The following MGLL variants were observed in gnomAD, a reference collection of about 807,000 sequenced individuals.
MGLL encodes the protein monoglyceride lipase.
A neutral mutation model predicts 29.1 loss-of-function variants in MGLL; 7 were observed. The observed-to-expected ratio is 0.24, with a 90% CI of 0.14 to 0.45. The LOEUF (loss-of-function observed/expected upper bound fraction) is 0.45, where lower values mean the gene tolerates loss of function less well. Among genes scored for constraint, MGLL ranks in the 20% least tolerant of loss-of-function variants. The probability of loss-of-function intolerance (pLI) is 0.99; values close to 1 mark genes in which losing one functional copy is unlikely to be tolerated. For synonymous variants in MGLL, 148 were observed against 168.3 expected, an observed-to-expected ratio of 0.88 and a Z score of 0.93; for missense variants, 356 against 413.6, an observed-to-expected ratio of 0.86 and a Z score of 1.21.
rs75852701 is a variant in MGLL, at chr3:127,781,680, G to A, written c.262+109C>T. On this transcript the variant is annotated intron_variant, in intron 3 of 7. Transcript: ENST00000265052. ...TACATTTTTTTACTTTGAAACATCCGTGGGGAATAGAAGAATTGAGAAGGA... is the reference window on the plus strand; with the variant it reads ...TACATTTTTTTACTTTGAAACATCCATGGGGAATAGAAGAATTGAGAAGGA... The A allele has an allele frequency of 1.7e-3, 1,708 of 1,025,900 alleles. 11 individuals are homozygous for A. The highest frequency in any genetic ancestry group is 4.8e-3 in the African/African-American group (308 of 63,584). The allele number at this position is 1,025,900 out of a possible 1,614,324, so 63.5% of individuals were successfully genotyped here.
At chr3:127,787,899 T>C (rs994626576) in intron 2 of MGLL, among the ~76,000 whole-genome samples, 1 of 152,210 alleles carries the variant, frequency 6.6e-6, no homozygotes, top group Non-Finnish European at 1.5e-5. Flanking sequence ...CCCTTTCCAG[T>C]AACTAAGGCA....
At chr3:127,784,552 G>A (rs1243512872) in intron 2 of MGLL, among the ~76,000 whole-genome samples, 10 of 152,096 alleles carry the variant, frequency 6.6e-5, no homozygotes, top group Admixed American at 5.2e-4. Context: ...CACTGCAGGC[G>A]GTGGGGGTCA....
chr3:127,754,758 G>T (rs902675386), intron 3 of MGLL, among the ~76,000 whole-genome samples: 3 of 152,210 alleles, frequency 2.0e-5, no homozygotes, highest in African/African-American at 7.2e-5. Flanking sequence ...AGGCCTCAGT[G>T]GCCTTCCCGT....
At chr3:127,769,425 G>A (rs910192842) in intron 3 of MGLL, among the ~76,000 whole-genome samples, 1 of 152,132 alleles carries the variant, frequency 6.6e-6, no homozygotes, top group Non-Finnish European at 1.5e-5. Context: ...TAAACAACTG[G>A]CATTTCAAAA....
intron 3 of MGLL, among the ~76,000 whole-genome samples, chr3:127,775,824 G>A (rs980575638): frequency 2.0e-5 from 3 of 152,202 alleles, no homozygotes; most frequent in African/African-American, 7.2e-5. Context: ...GCGGGCAAAT[G>A]GGCCTCAGAT....
At chr3:127,754,274 G>A (rs1282083324) in intron 3 of MGLL, among the ~76,000 whole-genome samples, 1 of 152,180 alleles carries the variant, frequency 6.6e-6, no homozygotes, top group African/African-American at 2.4e-5. Flanking sequence ...AGAAGGAGGT[G>A]CTTAGACTAA....
intron 3 of MGLL, among the ~76,000 whole-genome samples, chr3:127,747,718 A>G (rs1398289681): frequency 6.6e-6 from 1 of 152,176 alleles, no homozygotes; most frequent in Non-Finnish European, 1.5e-5. Context: ...AGAAAACCTC[A>G]GGCTCCCTTG....
intron 2 of MGLL, among the ~76,000 whole-genome samples, chr3:127,816,497 G>A (rs775248172): frequency 1.3e-5 from 2 of 152,194 alleles, no homozygotes; most frequent in African/African-American, 2.4e-5. Flanking sequence ...CAGATGGCTG[G>A]GAGGGGCCCT....
At chr3:127,738,857 A>G (rs2076288883) in intron 3 of MGLL, among the ~76,000 whole-genome samples, 1 of 152,210 alleles carries the variant, frequency 6.6e-6, no homozygotes, top group African/African-American at 2.4e-5. Flanking sequence ...TTACATTTAC[A>G]TCAGTTAAAA....
rs1277490396 is a variant in MGLL at position 127,761,311 on chromosome 3, CCCTGCTGCTGTGTCTTGTTAGAGCCA to C, written c.262+20452_262+20477del. Reference sequence around the variant, plus strand: ...GGCCCACTGGGCAAACTGGCTTCTCCCCTGCTGCTGTGTCTTGTTAGAGCCACCGTGTTGTGTTGGGGGTGCTGGCT... The same window carrying C: ...GGCCCACTGGGCAAACTGGCTTCTCCCCGTGTTGTGTTGGGGGTGCTGGCT... On this transcript the variant is annotated intron_variant, in intron 3 of 7. Transcript: ENST00000265052. The surrounding 1 kb of genome is among the most constrained non-coding windows in gnomAD (Gnocchi z 4.6). Among the ~76,000 whole-genome samples, 45 of 152,232 alleles carry C rather than the reference CCCTGCTGCTGTGTCTTGTTAGAGCCA, an allele frequency of 3.0e-4. No individual in the cohort carries two copies. Among genetic ancestry groups the C allele is most frequent in the Non-Finnish European group, 6.0e-4 (41 of 68,048 alleles).
At chr3:127,800,059 A>G (rs150267866) in intron 2 of MGLL, among the ~76,000 whole-genome samples, 2 of 152,368 alleles carry the variant, frequency 1.3e-5, no homozygotes, top group East Asian at 3.9e-4. Context: ...TGCAATTTCT[A>G]CAACACCTAC....
intron 3 of MGLL, among the ~76,000 whole-genome samples, chr3:127,775,716 C>T (rs2077023517): frequency 6.6e-6 from 1 of 152,242 alleles, no homozygotes; most frequent in Non-Finnish European, 1.5e-5. Context: ...TTCTCTGGCC[C>T]CAGCAAGTGC....
intron 2 of MGLL, among the ~76,000 whole-genome samples, chr3:127,808,060 GA>G (rs1445802116): frequency 3.9e-5 from 6 of 151,988 alleles, no homozygotes; most frequent in African/African-American, 1.5e-4. Flanking sequence ...ATGCCTGGAC[GA>G]AAACTCTTTT....
Position 127,692,115 on chromosome 3 carries a change from T to TTTTTG in MGLL, c.*82_*83insCAAAA. 1 of 492,142 alleles carries TTTTTG rather than the reference T, an allele frequency of 2.0e-6. No individual in the cohort carries two copies. Among genetic ancestry groups the TTTTTG allele is most frequent in the Admixed American group, 3.8e-5 (1 of 26,658 alleles). The allele number at this position is 492,142 out of a possible 1,614,324, so 30.5% of individuals were successfully genotyped here. On this transcript the variant is annotated 3_prime_UTR_variant, in exon 8 of 8. Coordinates refer to ENST00000265052, the MANE Select transcript of MGLL (RefSeq NM_007283.7). ...TCTGATTTTTTTTTTTTTTTTTTTT[T>TTTTTG]GGCAAGCCATATCTGAGAAGCCATC... is the stretch of plus-strand genomic sequence containing the variant.
intron 4 of MGLL, among the ~76,000 whole-genome samples, chr3:127,721,851 A>AC (rs1420038876): frequency 7.7e-6 from 1 of 130,536 alleles, no homozygotes; most frequent in African/African-American, 2.5e-5. Flanking sequence ...TGGTCAGCCA[A>AC]CCAGCCTGCT....
At chr3:127,766,449 C>T (rs60963555) in intron 3 of MGLL, among the ~76,000 whole-genome samples, 4,597 of 152,298 alleles carry the variant, frequency 0.03, 175 homozygotes, top group East Asian at 0.16. Flanking sequence ...GTGCCCCTGG[C>T]TCTTTTCTCC....
intron 5 of MGLL, among the ~76,000 whole-genome samples, 182 bp downstream of exon 5, chr3:127,720,871 C>T (rs2075905272): frequency 6.6e-6 from 1 of 152,292 alleles, no homozygotes; most frequent in South Asian, 2.1e-4. Context: ...AAAATGGCAC[C>T]TGCCTTTAGA....
At chr3:127,755,385 G>A (rs2076644638) in intron 3 of MGLL, among the ~76,000 whole-genome samples, 1 of 152,154 alleles carries the variant, frequency 6.6e-6, no homozygotes, top group Admixed American at 6.5e-5. Flanking sequence ...CTGCCTTCTG[G>A]GGTCTCAGCT....
intron 3 of MGLL, among the ~76,000 whole-genome samples, chr3:127,734,182 C>T (rs1010980657): frequency 5.3e-5 from 8 of 152,208 alleles, no homozygotes; most frequent in Non-Finnish European, 1.0e-4. Flanking sequence ...CTACCTTGAC[C>T]GGGTCTCACT....
Sources: gnomAD v4.1 joint callset for allele counts (sites outside exome capture counted in the v4.1 genomes callset) on GRCh38, gnomAD v4.1.1 for gene constraint, Gnocchi (gnomAD v3.1) non-coding constraint, MANE v1.5 for transcripts, NCBI Gene and HGNC (gene_info 2026-07-23, HGNC 2026-07-21) for gene names.